NCOA6: variants seen among roughly 807,000 people sequenced by gnomAD.
NCOA6 encodes the protein NRC RAP250.
A neutral mutation model predicts 171.4 loss-of-function variants in NCOA6; 49 were observed. The ratio of observed to expected loss-of-function variants is 0.29; its 90% CI spans 0.23 to 0.36. The LOEUF is 0.36. Ranked by LOEUF, NCOA6 falls within the 10% of genes least tolerant of loss-of-function variation. The pLI is 1.00. For synonymous variants in NCOA6, 910 were observed against 927.5 expected, an observed-to-expected ratio of 0.98 and a Z score of 0.34; for missense variants, 2,248 against 2,554.5, an observed-to-expected ratio of 0.88 and a Z score of 2.59.
chr20:34,823,802 A>ATTGC (rs2079076759), intron 1 of NCOA6, among the ~76,000 whole-genome samples: 1 of 152,122 alleles, frequency 6.6e-6, no homozygotes, highest in Non-Finnish European at 1.5e-5. Context: ...TCCCAGGCTC[A>ATTGC]AGCGATCCTC....
rs1988345732 is a variant in NCOA6, at chr20:34,714,845, A to G, written c.*477T>C. On this transcript the variant is annotated 3_prime_UTR_variant, in exon 15 of 15. Coordinates refer to ENST00000359003, the MANE Select transcript of NCOA6 (RefSeq NM_014071.5). ...TTTAACACGTTATTTCACATTGTAC[A>G]AATCCTTAGATTCTCTTTATTCACT... 1 of 156,440 alleles carries G rather than the reference A, an allele frequency of 6.4e-6. No homozygotes were observed. Among genetic ancestry groups the G allele is most frequent in the Non-Finnish European group, 1.4e-5 (1 of 70,338 alleles). 9.7% of individuals were successfully genotyped at this position (156,440 alleles called of 1,614,324 possible).
intron 14 of NCOA6, among the ~76,000 whole-genome samples, chr20:34,719,105 CTG>C (rs943168887): frequency 6.6e-6 from 1 of 152,158 alleles, no homozygotes; most frequent in African/African-American, 2.4e-5. Flanking sequence ...AACTATGTCA[CTG>C]GGGGAACATT....
chr20:34,805,392 T>C (rs186336210), intron 1 of NCOA6, among the ~76,000 whole-genome samples: 65 of 152,288 alleles, frequency 4.3e-4, no homozygotes, highest in South Asian at 2.9e-3. Flanking sequence ...CTTCCACATA[T>C]AAGAACATAT....
Position 34,757,205 on chromosome 20 carries a change from TAC to T in NCOA6, c.1528+13_1528+14del. The T allele has an allele frequency of 1.3e-6, 2 of 1,540,954 alleles. No homozygotes were observed. Among genetic ancestry groups the T allele is most frequent in the South Asian group, 2.5e-5 (2 of 78,722 alleles). Reference sequence around the variant, plus strand: ...CAGCAAATTTACCAACACAAATAGCTACAGTGTTCCTCACCTCCTAGGCCTGG... The same window carrying T: ...CAGCAAATTTACCAACACAAATAGCTAGTGTTCCTCACCTCCTAGGCCTGG... On this transcript the variant is annotated intron_variant, in intron 7 of 14. Coordinates refer to ENST00000359003, the MANE Select transcript of NCOA6 (RefSeq NM_014071.5).
At chr20:34,721,081 T>C (rs917133272) in intron 14 of NCOA6, among the ~76,000 whole-genome samples, 7 of 152,040 alleles carry the variant, frequency 4.6e-5, no homozygotes, top group Non-Finnish European at 1.0e-4. Context: ...GAGCCATCTT[T>C]TGTTAAAATA....
chr20:34,741,086 GAGC>G lies in NCOA6; in HGVS notation c.5167_5169del (p.Ala1723del), dbSNP rs1204963714. The G allele has an allele frequency of 2.5e-6, 4 of 1,614,118 alleles. No individual in the cohort carries two copies. The highest frequency in any genetic ancestry group is 3.4e-6 in the Non-Finnish European group (4 of 1,180,050). ...AAAGGTCGACCTGTCTGGATGTTTG[GAGC>G]AGGACTACTGGAGAGGGCATTAGGC... is the stretch of plus-strand genomic sequence containing the variant. On this transcript the variant is annotated inframe_deletion, in exon 11 of 15. Transcript: ENST00000359003.
intron 2 of NCOA6, among the ~76,000 whole-genome samples, chr20:34,788,538 G>A (rs1734407662): frequency 6.6e-6 from 1 of 152,154 alleles, no homozygotes; most frequent in Non-Finnish European, 1.5e-5. Context: ...CTTATGGAAA[G>A]CTGCTCCTGC....
chr20:34,757,719 C>T lies in NCOA6; in HGVS notation c.1029G>A (p.Gly343=). Reference sequence around the variant, plus strand: ...GGCCGGGCAAGGGAGCCTTCTTCCACCCTTGGTTTGCAGTCATTGTGCCCA... The same window carrying T: ...GGCCGGGCAAGGGAGCCTTCTTCCATCCTTGGTTTGCAGTCATTGTGCCCA... The part of the protein sequence containing the change: ...GSLGTMTANQ[G]WKKAPLPGPM... Residue 343 remains glycine (G), a synonymous_variant, in exon 7 of 15, where the codon GGG becomes GGA. Coordinates refer to ENST00000359003, the MANE Select transcript of NCOA6 (RefSeq NM_014071.5). The T allele has an allele frequency of 1.2e-6, 2 of 1,614,114 alleles. No homozygotes were observed. Among genetic ancestry groups the T allele is most frequent in the Admixed American group, 1.7e-5 (1 of 60,000 alleles).
At chr20:34,746,713 A>G in intron 10 of NCOA6, 94 bp downstream of exon 10, 1 of 1,361,118 alleles carries the variant, frequency 7.3e-7, no homozygotes, top group South Asian at 1.8e-5. Context: ...GTTAGCAGAT[A>G]AAATAAAATA....
At chr20:34,785,289 C>T (rs1360445708) in intron 2 of NCOA6, among the ~76,000 whole-genome samples, 2 of 151,696 alleles carry the variant, frequency 1.3e-5, no homozygotes, top group African/African-American at 4.8e-5. Context: ...TACAATGAAA[C>T]TGATTTGGGT....
intron 5 of NCOA6, among the ~76,000 whole-genome samples, chr20:34,766,843 A>G (rs1432253286): frequency 6.6e-6 from 1 of 152,136 alleles, no homozygotes; most frequent in Non-Finnish European, 1.5e-5. Context: ...TTCATTAACT[A>G]TATCTAACTT....
In NCOA6 at chr20:34,740,393, C is replaced by T. The variant is rs765209535; in HGVS notation, c.5863G>A (p.Gly1955Arg). 2 of 1,614,100 alleles carry T rather than the reference C, an allele frequency of 1.2e-6. No homozygotes were observed. Among genetic ancestry groups the T allele is most frequent in the East Asian group, 4.5e-5 (2 of 44,882 alleles). The change falls in exon 11 of 15, where the codon GGA (glycine) becomes AGA (arginine). Residue 1955 changes from glycine to arginine, a missense_variant. Coordinates refer to ENST00000359003, the MANE Select transcript of NCOA6 (RefSeq NM_014071.5). ...LAGGLVEEKV[G>R]SHPELLPSIA... The stretch of plus-strand genomic sequence containing the variant: ...CTGGGTAGAAGTTCTGGATGGGATC[C>T]CACCTTCTCCTCCACTAGGCCACCC...
At chr20:34,737,317 A>T (rs2075987936) in intron 11 of NCOA6, among the ~76,000 whole-genome samples, 1 of 152,226 alleles carries the variant, frequency 6.6e-6, no homozygotes, top group Non-Finnish European at 1.5e-5. Flanking sequence ...TTATCTAACA[A>T]ATAGTTGCAA....
At chr20:34,822,670 A>G (rs1034298456) in intron 1 of NCOA6, among the ~76,000 whole-genome samples, 2 of 152,226 alleles carry the variant, frequency 1.3e-5, no homozygotes, top group South Asian at 4.1e-4. Context: ...AGAGCCCAGT[A>G]TAATGCTTGA....
chr20:34,758,099 T>C lies in NCOA6; in HGVS notation c.649A>G (p.Met217Val), dbSNP rs1190002513. 5 of 1,606,384 alleles carry C rather than the reference T, an allele frequency of 3.1e-6. No homozygotes were observed. The African/African-American group carries it at 4.0e-5, about 13-fold the overall frequency. The change falls in exon 7 of 15, where the codon ATG becomes GTG. Residue 217 changes from methionine to valine, a missense_variant. By Grantham distance (21) the Met-to-Val change is conservative. This residue lies in a region of NCOA6 where 987 missense variants were observed against 1,104.7 expected (regional missense o/e 0.89). Transcript: ENST00000359003. ...TPRPASQSDA[M>V]DPLLSGLHIQ... is the part of the protein sequence containing the mutation. ...TGGAGCCCAGAGAGGAGTGGATCCA[T>C]TGCATCTGTTTAAAGATAGTCAACA...
At position 34,825,587 on chromosome 20, in the gene NCOA6, C is replaced by CGCCCGCGCCCGGCCGCCCGCA. The variant is rs1388231554; in HGVS notation, c.-300_-280dup. The CGCCCGCGCCCGGCCGCCCGCA allele has an allele frequency of 3.3e-5, 5 of 151,362 alleles. No individual in the cohort carries two copies. Among genetic ancestry groups the CGCCCGCGCCCGGCCGCCCGCA allele is most frequent in the African/African-American group, 1.2e-4 (5 of 41,260 alleles). 9.4% of individuals were successfully genotyped at this position (151,362 alleles called of 1,614,324 possible). A position where few individuals can be genotyped will look rare whatever the true frequency, so the allele number is the denominator to read the frequency against. On this transcript the variant is annotated 5_prime_UTR_variant, in exon 1 of 15. Coordinates refer to ENST00000359003, the MANE Select transcript of NCOA6 (RefSeq NM_014071.5). The stretch of plus-strand genomic sequence containing the variant: ...CCTCGCGTGCGCCCGTCTGTCCCGC[C>CGCCCGCGCCCGGCCGCCCGCA]GCCCGCGCCCGGCCGCCCGCAGCCC...
chr20:34,791,673 C>A (rs2077890924), intron 2 of NCOA6, among the ~76,000 whole-genome samples: 1 of 152,224 alleles, frequency 6.6e-6, no homozygotes, highest in Non-Finnish European at 1.5e-5. Context: ...GCAATAAACT[C>A]TTAAATTACA....
intron 1 of NCOA6, among the ~76,000 whole-genome samples, chr20:34,799,709 G>A (rs925314488): frequency 1.3e-5 from 2 of 151,846 alleles, no homozygotes; most frequent in East Asian, 1.9e-4. Flanking sequence ...TTCCAAGTGC[G>A]AAAGGAAAAA....
intron 11 of NCOA6, among the ~76,000 whole-genome samples, chr20:34,737,664 T>C (rs1233150916): frequency 1.3e-5 from 2 of 152,242 alleles, no homozygotes; most frequent in African/African-American, 4.8e-5. Flanking sequence ...ATAAAGATTA[T>C]GGCATGGATA....
Sources: gnomAD v4.1 joint callset for allele counts (sites outside exome capture counted in the v4.1 genomes callset) on GRCh38, gnomAD v4.1.1 for gene constraint, gnomAD v4.1.1 regional missense constraint, MANE v1.5 for transcripts, NCBI Gene and HGNC (gene_info 2026-07-23, HGNC 2026-07-21) for gene names.